SLC35D2: variants seen among roughly 807,000 people sequenced by gnomAD.
SLC35D2 encodes solute carrier family 35 member D2, also known as nucleotide sugar transporter SLC35D2.
A neutral mutation model predicts 41.8 loss-of-function variants in SLC35D2; 43 were observed. That is an observed-to-expected ratio of 1.03 (90% CI 0.81 to 1.33). The LOEUF (loss-of-function observed/expected upper bound fraction) is 1.33, where lower values mean the gene tolerates loss of function less well. SLC35D2 is among the 40% of genes most tolerant of loss of function. SLC35D2 has a pLI of 0.00. For missense variants in SLC35D2, 380 were observed against 408.4 expected (o/e 0.93, Z 0.60); for synonymous variants, 150 against 163.9 (o/e 0.92, Z 0.65).
At chr9:96,332,666 C>T (rs1196906796) in intron 9 of SLC35D2, among the ~76,000 whole-genome samples, 1 of 151,698 alleles carries the variant, frequency 6.6e-6, no homozygotes, top group Non-Finnish European at 1.5e-5. Flanking sequence ...ATAATCCCAG[C>T]TACTCGAGAG....
intron 3 of SLC35D2, 115 bp downstream of exon 3, chr9:96,364,349 G>C: frequency 1.5e-6 from 1 of 676,944 alleles, no homozygotes; most frequent in Non-Finnish European, 2.5e-6. Context: ...AAAAAAAGAA[G>C]TTTCTATCCA....
intron 6 of SLC35D2, among the ~76,000 whole-genome samples, chr9:96,350,232 G>A (rs952063320): frequency 4.0e-5 from 6 of 151,536 alleles, no homozygotes; most frequent in African/African-American, 1.5e-4. Flanking sequence ...ATGCAGTGGT[G>A]CAATCATTGC....
intron 9 of SLC35D2, among the ~76,000 whole-genome samples, chr9:96,334,129 C>G (rs190575007): frequency 1.3e-5 from 2 of 151,800 alleles, no homozygotes; most frequent in African/African-American, 4.8e-5. Flanking sequence ...CACCAGGGAC[C>G]GGTTTTGTGG....
chr9:96,314,520 A>G (rs1828004509), exon 12 of SLC35D2: 1 of 152,196 alleles, frequency 6.6e-6, no homozygotes, highest in Admixed American at 6.5e-5. Context: ...GTTTTCACTT[A>G]TAAGTGGGAG....
chr9:96,361,278 T>C (rs754872818), intron 3 of SLC35D2, among the ~76,000 whole-genome samples: 7 of 152,234 alleles, frequency 4.6e-5, no homozygotes, highest in Non-Finnish European at 1.0e-4. Flanking sequence ...ATTTATATGT[T>C]GAAGCCCTAA....
intron 10 of SLC35D2, among the ~76,000 whole-genome samples, chr9:96,322,721 T>TTTTTTG (rs1828304409): frequency 7.1e-6 from 1 of 141,254 alleles, no homozygotes; most frequent in East Asian, 2.1e-4. Flanking sequence ...TCTGGGGTTT[T>TTTTTTG]TTTTTTTTTT....
At chr9:96,342,096 A>C (rs1046708070) in intron 8 of SLC35D2, among the ~76,000 whole-genome samples, 9 of 151,810 alleles carry the variant, frequency 5.9e-5, no homozygotes, top group African/African-American at 2.2e-4. Context: ...AAGAGTTCAT[A>C]ATTTTTCTTT....
intron 9 of SLC35D2, among the ~76,000 whole-genome samples, chr9:96,328,414 C>T (rs1587835779): frequency 6.6e-6 from 1 of 152,298 alleles, no homozygotes; most frequent in African/African-American, 2.4e-5. Flanking sequence ...CCACGCCCAG[C>T]GTGCTCTGTA....
intron 8 of SLC35D2, among the ~76,000 whole-genome samples, chr9:96,340,227 G>A (rs1829251189): frequency 6.6e-6 from 1 of 151,964 alleles, no homozygotes; most frequent in African/African-American, 2.4e-5. Flanking sequence ...GTTGTTTTTT[G>A]CTTTTTGTTT....
At chr9:96,372,482 C>G (rs1830743599) in intron 1 of SLC35D2, among the ~76,000 whole-genome samples, 1 of 149,900 alleles carries the variant, frequency 6.7e-6, no homozygotes, top group Non-Finnish European at 1.5e-5. Flanking sequence ...AGAAAAGAAA[C>G]TTTTTATCTA....
At position 96,364,410 on chromosome 9, in the gene SLC35D2, CA is replaced by C; in HGVS notation, c.279+53del. The C allele has an allele frequency of 5.6e-6, 6 of 1,079,426 alleles. No individual in the cohort carries two copies. The South Asian group carries it at 6.4e-5, about 12-fold the overall frequency. The allele number at this position is 1,079,426 out of a possible 1,614,324, so 66.9% of individuals were successfully genotyped here. ...TAGAAATTGACCTGTACTCTAAAAT[CA>C]ATGTGTATTTTCACATCTTCTATCA... On this transcript the variant is annotated intron_variant, in intron 3 of 11. Coordinates refer to ENST00000253270, the MANE Select transcript of SLC35D2 (RefSeq NM_007001.3).
chr9:96,364,083 AGGTG>A (rs1830387097), intron 3 of SLC35D2, among the ~76,000 whole-genome samples: 1 of 152,214 alleles, frequency 6.6e-6, no homozygotes, highest in Non-Finnish European at 1.5e-5. Flanking sequence ...TGGGAGGCTA[AGGTG>A]GGTGGATCAC....
chr9:96,360,896 C>T (rs1276033663), intron 3 of SLC35D2, among the ~76,000 whole-genome samples: 1 of 151,932 alleles, frequency 6.6e-6, no homozygotes, highest in African/African-American at 2.4e-5. Flanking sequence ...CATCCGCCAC[C>T]ATGCCCAGCT....
At chr9:96,343,271 C>T (rs1166079337) in intron 8 of SLC35D2, among the ~76,000 whole-genome samples, 1 of 152,200 alleles carries the variant, frequency 6.6e-6, no homozygotes, top group African/African-American at 2.4e-5. Flanking sequence ...TTGTCTCTCA[C>T]CAGCAGCAGA....
At position 96,333,785 on chromosome 9, in the gene SLC35D2, A is replaced by T. The variant is rs543053394; in HGVS notation, c.752+2932T>A. ...TTAAACGGTGAAGTGCATGTTAAAA[A>T]CAAAAAACAAACCAAAAAAGCCAAT... On this transcript the variant is annotated intron_variant, in intron 9 of 11. Transcript: ENST00000253270. Among the ~76,000 whole-genome samples the T allele has an allele frequency of 2.6e-5, 4 of 152,184 alleles. No individual in the cohort carries two copies. In the South Asian group the frequency reaches 8.3e-4, roughly 32 times the overall value.
intron 10 of SLC35D2, among the ~76,000 whole-genome samples, chr9:96,322,419 G>T (rs923278972): frequency 6.6e-6 from 1 of 151,988 alleles, no homozygotes; most frequent in Non-Finnish European, 1.5e-5. Flanking sequence ...TACTCCACAC[G>T]GACTGAAGTG....
intron 8 of SLC35D2, among the ~76,000 whole-genome samples, chr9:96,337,694 A>G (rs1457243547): frequency 6.6e-6 from 1 of 151,480 alleles, no homozygotes; most frequent in Non-Finnish European, 1.5e-5. Flanking sequence ...TTAAGACTTC[A>G]TTTTTGGCCG....
intron 4 of SLC35D2, among the ~76,000 whole-genome samples, chr9:96,353,103 C>CAAA (rs1829874795): frequency 6.6e-6 from 1 of 151,924 alleles, no homozygotes; most frequent in East Asian, 1.9e-4. Context: ...AAAAAAAAAC[C>CAAA]ACATGCATAA....
chr9:96,355,137 G>A (rs538074022), intron 4 of SLC35D2, among the ~76,000 whole-genome samples: 1 of 151,512 alleles, frequency 6.6e-6, no homozygotes, highest in African/African-American at 2.4e-5. Context: ...TTGTGCCTCA[G>A]ACACCCAAGT....
Sources: allele counts gnomAD v4.1 joint callset (sites outside exome capture counted in the v4.1 genomes callset), GRCh38; gene constraint gnomAD v4.1.1; transcripts MANE v1.5; gene names NCBI Gene and HGNC (gene_info 2026-07-23, HGNC 2026-07-21).